The following DLC1 variants were observed in gnomAD, a reference collection of about 807,000 sequenced individuals.
DLC1 encodes rho GTPase-activating protein 7.
DLC1 carries 54 observed loss-of-function variants against 140.3 expected under a neutral mutation model. That is an observed-to-expected ratio of 0.38 (90% CI 0.31 to 0.48). The LOEUF (loss-of-function observed/expected upper bound fraction) is 0.48. DLC1 is among the 20% of genes least tolerant of loss of function. DLC1 has a pLI of 0.96. For synonymous variants in DLC1, 986 were observed against 728.1 expected, an observed-to-expected ratio of 1.35 and a Z score of -5.70; for missense variants, 2,536 against 1,907.0, an observed-to-expected ratio of 1.33 and a Z score of -6.14.
chr8:13,353,518 T>C (rs1287712990), intron 4 of DLC1: 1 of 151,712 alleles, frequency 6.6e-6, no homozygotes, highest in Non-Finnish European at 1.5e-5. Context: ...CAAAGAAATT[T>C]GTAACCTATA....
chr8:13,453,426 G>GTATATATATATATATATGTA (rs1185667826), intron 2 of DLC1, among the ~76,000 whole-genome samples: 1 of 12,692 alleles, frequency 7.9e-5, no homozygotes, highest in Non-Finnish European at 1.2e-4. Flanking sequence ...ATATATATGT[G>GTATATATATATATATATGTA]TATATATATA....
At chr8:13,369,247 G>C (rs1000286720) in intron 4 of DLC1, among the ~76,000 whole-genome samples, 3 of 151,190 alleles carry the variant, frequency 2.0e-5, no homozygotes, top group Non-Finnish European at 2.9e-5. Context: ...TCATGCCATA[G>C]AGTGGAGTTG....
intron 4 of DLC1, among the ~76,000 whole-genome samples, chr8:13,326,633 C>G (rs924578765): frequency 6.6e-6 from 1 of 152,096 alleles, no homozygotes; most frequent in Non-Finnish European, 1.5e-5. Flanking sequence ...AACGGTAAAC[C>G]TGGGACTCCT....
chr8:13,542,645 A>T (rs776402070), intron 1 of DLC1, among the ~76,000 whole-genome samples: 1 of 152,100 alleles, frequency 6.6e-6, no homozygotes, highest in Admixed American at 6.5e-5. Flanking sequence ...CTACACATTT[A>T]TTTAGATCTT....
intron 5 of DLC1, among the ~76,000 whole-genome samples, chr8:13,159,353 C>T (rs1458526992): frequency 6.6e-6 from 1 of 152,136 alleles, no homozygotes; most frequent in Non-Finnish European, 1.5e-5. Flanking sequence ...TGCCAGCCAC[C>T]CCAGAGGCTC....
intron 4 of DLC1, chr8:13,342,523 A>T (rs1729119): frequency 0.93 from 141,046 of 152,272 alleles, 65,944 homozygotes; most frequent in East Asian, 1. Context: ...TGCAGGTGAA[A>T]CTCATCCAAT....
intron 4 of DLC1, among the ~76,000 whole-genome samples, chr8:13,362,098 G>A (rs969594450): frequency 6.6e-6 from 1 of 152,254 alleles, no homozygotes; most frequent in Non-Finnish European, 1.5e-5. Context: ...AAGGAGGAAA[G>A]TGGGAGCAGT....
chr8:13,220,449 T>C (rs1011167295), intron 5 of DLC1, among the ~76,000 whole-genome samples: 1 of 152,174 alleles, frequency 6.6e-6, no homozygotes, highest in Non-Finnish European at 1.5e-5. Context: ...TTGATCGAAG[T>C]AAGGATTAAT....
intron 5 of DLC1, among the ~76,000 whole-genome samples, chr8:13,215,778 G>C (rs1174068701): frequency 2.6e-5 from 4 of 152,248 alleles, no homozygotes; most frequent in Non-Finnish European, 5.9e-5. Context: ...TAAACACCCA[G>C]TCTTAGAAAC....
rs534672278 is a variant in DLC1, at chr8:13,588,824, A to G, written c.-126+15713T>C. ...ATAGGGGCTGGGAGAGGTCATGGCT[A>G]CTCTTCTGCTCTATGTTTATGGGAG... is the stretch of plus-strand genomic sequence containing the variant. On this transcript the variant is annotated intron_variant, in intron 1 of 1. Transcript: ENST00000631382. Among the ~76,000 whole-genome samples the G allele has an allele frequency of 3.3e-5, 5 of 151,952 alleles. No homozygotes were observed. The East Asian group carries it at 7.8e-4, about 24-fold the overall frequency.
At chr8:13,417,965 T>G (rs1463654523) in intron 2 of DLC1, among the ~76,000 whole-genome samples, 2 of 152,234 alleles carry the variant, frequency 1.3e-5, no homozygotes, top group East Asian at 3.8e-4. Context: ...TGATGGCCAG[T>G]GATGATGAGC....
chr8:13,141,165 G>T lies in DLC1; in HGVS notation c.1349-25508C>A, dbSNP rs111286218. ...AGCTACTCGGGAAGCTGAGGCAGGA[G>T]AATCACTTGAATCTGGGAGGTGGAG... On this transcript the variant is annotated intron_variant, in intron 5 of 17. Coordinates refer to ENST00000276297, the MANE Select transcript of DLC1 (RefSeq NM_182643.3). Among the ~76,000 whole-genome samples the T allele has an allele frequency of 1.8e-3, 268 of 146,322 alleles. 1 individual carries two copies. The highest frequency in any genetic ancestry group is 6.5e-3 in the African/African-American group (257 of 39,258).
intron 5 of DLC1, among the ~76,000 whole-genome samples, chr8:13,153,308 C>G (rs1823981017): frequency 6.6e-6 from 1 of 152,188 alleles, no homozygotes; most frequent in Non-Finnish European, 1.5e-5. Flanking sequence ...TGGAGTTGTT[C>G]TCTCCTCCCG....
chr8:13,559,689 C>T (rs987644958), intron 1 of DLC1, among the ~76,000 whole-genome samples: 1 of 152,160 alleles, frequency 6.6e-6, no homozygotes, highest in East Asian at 1.9e-4. Flanking sequence ...TCAGGAAAAT[C>T]GTTGTGAATT....
At chr8:13,166,051 C>G (rs1825083635) in intron 5 of DLC1, among the ~76,000 whole-genome samples, 1 of 152,188 alleles carries the variant, frequency 6.6e-6, no homozygotes, top group African/African-American at 2.4e-5. Flanking sequence ...TATATGGCCA[C>G]AAAACCTATT....
intron 6 of DLC1, among the ~76,000 whole-genome samples, chr8:13,113,646 T>C (rs1434011740): frequency 6.6e-6 from 1 of 152,206 alleles, no homozygotes; most frequent in Non-Finnish European, 1.5e-5. Flanking sequence ...GCCAATGCAG[T>C]TGTCTTTCCT....
chr8:13,260,710 C>T (rs11991404), intron 5 of DLC1, among the ~76,000 whole-genome samples: 1 of 151,862 alleles, frequency 6.6e-6, no homozygotes, highest in Non-Finnish European at 1.5e-5. Flanking sequence ...ATATATGGTA[C>T]TTTGAGTTTC....
chr8:13,471,834 C>G (rs766045431), intron 2 of DLC1, among the ~76,000 whole-genome samples: 21 of 152,170 alleles, frequency 1.4e-4, no homozygotes, highest in Non-Finnish European at 1.9e-4. Context: ...CCTTCCACCC[C>G]CACGCTGAAG....
chr8:13,512,017 CT>C (rs994733090), intron 1 of DLC1, among the ~76,000 whole-genome samples: 2 of 151,772 alleles, frequency 1.3e-5, no homozygotes, highest in Non-Finnish European at 2.9e-5. Flanking sequence ...AGAAAAAATT[CT>C]TTTTTTTAAA....
Sources: gnomAD v4.1 joint callset for allele counts (sites outside exome capture counted in the v4.1 genomes callset) on GRCh38, gnomAD v4.1.1 for gene constraint, MANE v1.5 for transcripts, NCBI Gene and HGNC (gene_info 2026-07-23, HGNC 2026-07-21) for gene names.